NAALADL2: variants seen among roughly 807,000 people sequenced by gnomAD.
The protein encoded by NAALADL2 is inactive N-acetylated-alpha-linked acidic dipeptidase-like protein 2.
A neutral mutation model predicts 87.2 loss-of-function variants in NAALADL2; 76 were observed. The observed-to-expected ratio is 0.87, with a 90% confidence interval of 0.72 to 1.05. NAALADL2 has a LOEUF of 1.05. NAALADL2 is among the 50% of genes least tolerant of loss of function. The probability of loss-of-function intolerance (pLI) is 0.00; values close to 1 mark genes in which losing one functional copy is unlikely to be tolerated. For synonymous variants in NAALADL2, 354 were observed against 331.0 expected (o/e 1.07, Z -0.75); for missense variants, 1,089 against 945.8 (o/e 1.15, Z -1.99).
intron 11 of NAALADL2, among the ~76,000 whole-genome samples, chr3:175,645,076 C>T (rs1729812347): frequency 6.6e-6 from 1 of 151,686 alleles, no homozygotes; most frequent in Non-Finnish European, 1.5e-5. Flanking sequence ...ATCAAGACTA[C>T]AGAAGCTATG....
At chr3:175,452,974 T>A (rs937366249) in intron 6 of NAALADL2, among the ~76,000 whole-genome samples, 2 of 152,156 alleles carry the variant, frequency 1.3e-5, no homozygotes, top group Non-Finnish European at 1.5e-5. Flanking sequence ...GTTTCCAGGA[T>A]TCTGTCTCAA....
chr3:175,274,686 A>G (rs1048099609), intron 4 of NAALADL2, among the ~76,000 whole-genome samples: 6 of 152,152 alleles, frequency 3.9e-5, no homozygotes, highest in African/African-American at 1.4e-4. Context: ...TACTTCACCT[A>G]CAAGTTCATT....
chr3:175,378,314 A>G (rs1767404211), intron 5 of NAALADL2, among the ~76,000 whole-genome samples: 1 of 152,088 alleles, frequency 6.6e-6, no homozygotes, highest in African/African-American at 2.4e-5. Flanking sequence ...CGCCTCATTC[A>G]CTCACACACT....
intron 2 of NAALADL2, among the ~76,000 whole-genome samples, chr3:175,156,561 G>A (rs1732361398): frequency 6.8e-6 from 1 of 146,710 alleles, no homozygotes; most frequent in Admixed American, 6.8e-5. Flanking sequence ...GTAAACTAAT[G>A]TATCCTATAT....
At chr3:174,915,237 G>A (rs540716793) in intron 1 of NAALADL2, among the ~76,000 whole-genome samples, 49 of 152,234 alleles carry the variant, frequency 3.2e-4, no homozygotes, top group African/African-American at 1.1e-3. Flanking sequence ...GGCAGCAGAG[G>A]AGGTGTCATA....
At chr3:175,713,667 A>T (rs1163345580) in intron 11 of NAALADL2, among the ~76,000 whole-genome samples, 2 of 152,060 alleles carry the variant, frequency 1.3e-5, no homozygotes, top group Non-Finnish European at 2.9e-5. Flanking sequence ...TCAGACTTTT[A>T]AAAAATAAGT....
At chr3:174,564,487 A>G (rs981554207) in intron 2 of NAALADL2, among the ~76,000 whole-genome samples, 7 of 152,056 alleles carry the variant, frequency 4.6e-5, no homozygotes, top group African/African-American at 1.7e-4. Flanking sequence ...CTAATTAGTG[A>G]TTGTATGGTT....
intron 2 of NAALADL2, among the ~76,000 whole-genome samples, chr3:174,699,528 G>A (rs573329135): frequency 1.3e-5 from 2 of 151,698 alleles, no homozygotes; most frequent in East Asian, 3.9e-4. Context: ...ATGGTGTTTA[G>A]CCATACATTT....
At chr3:174,924,154 T>C (rs1209728211) in intron 1 of NAALADL2, among the ~76,000 whole-genome samples, 3 of 152,012 alleles carry the variant, frequency 2.0e-5, no homozygotes, top group Admixed American at 2.0e-4. Context: ...GTTGGTGTGC[T>C]GCACCCATTA....
At chr3:175,027,437 C>T (rs902248686) in intron 1 of NAALADL2, among the ~76,000 whole-genome samples, 1 of 152,008 alleles carries the variant, frequency 6.6e-6, no homozygotes, top group African/African-American at 2.4e-5. Flanking sequence ...TTTACTATCA[C>T]TTATGTACCA....
intron 11 of NAALADL2, among the ~76,000 whole-genome samples, chr3:175,642,737 T>A (rs1334819106): frequency 2.6e-5 from 4 of 152,126 alleles, no homozygotes; most frequent in African/African-American, 9.7e-5. Flanking sequence ...CCTGACCTCG[T>A]GATCCTCCCG....
At chr3:175,188,720 T>C (rs1737705117) in intron 2 of NAALADL2, among the ~76,000 whole-genome samples, 1 of 152,134 alleles carries the variant, frequency 6.6e-6, no homozygotes, top group African/African-American at 2.4e-5. Context: ...GCCACAAATG[T>C]GTACCATTCC....
intron 1 of NAALADL2, among the ~76,000 whole-genome samples, chr3:174,981,259 GA>G (rs1745071402): frequency 6.6e-6 from 1 of 152,128 alleles, no homozygotes; most frequent in Non-Finnish European, 1.5e-5. Flanking sequence ...TCAGAAGTCA[GA>G]AGAGAACTCT....
At chr3:175,040,836 A>T (rs1753994941) in intron 1 of NAALADL2, among the ~76,000 whole-genome samples, 12 of 152,178 alleles carry the variant, frequency 7.9e-5, no homozygotes, top group Admixed American at 6.6e-4. Flanking sequence ...TACAATATTT[A>T]TTCTGCACTA....
At chr3:174,959,920 T>C (rs1741729116) in intron 1 of NAALADL2, among the ~76,000 whole-genome samples, 1 of 152,118 alleles carries the variant, frequency 6.6e-6, no homozygotes, top group Non-Finnish European at 1.5e-5. Flanking sequence ...TTATCTTATA[T>C]GAAAGTATCG....
Position 175,797,446 on chromosome 3 carries a change from G to T in NAALADL2, c.2190-5559G>T, listed in dbSNP as rs182740978. Among the ~76,000 whole-genome samples, 4 of 152,230 alleles carry T rather than the reference G, an allele frequency of 2.6e-5. No individual in the cohort carries two copies. In the East Asian group the frequency reaches 7.7e-4, roughly 29 times the overall value. On this transcript the variant is annotated intron_variant, in intron 13 of 13. Transcript: ENST00000454872. ...TAACACAATCTATTCTTCCTGCAGG[G>T]AAACTTTTCTAAATTGGACTAAAGC...
At chr3:175,135,701 A>G (rs947459679) in intron 2 of NAALADL2, among the ~76,000 whole-genome samples, 1 of 152,188 alleles carries the variant, frequency 6.6e-6, no homozygotes, top group Admixed American at 6.5e-5. Context: ...TGATCCTGAA[A>G]GATCCTGTGA....
At chr3:174,596,661 C>T (rs1004003698) in intron 2 of NAALADL2, among the ~76,000 whole-genome samples, 2 of 152,160 alleles carry the variant, frequency 1.3e-5, no homozygotes, top group Admixed American at 1.3e-4. Flanking sequence ...CTGTCCTTAA[C>T]TGGTAGCTTG....
intron 4 of NAALADL2, among the ~76,000 whole-genome samples, chr3:175,290,139 AAC>A (rs1237761033): frequency 1.3e-5 from 2 of 152,216 alleles, no homozygotes; most frequent in Non-Finnish European, 2.9e-5. Flanking sequence ...TTCTTTGTAA[AAC>A]AGTTTGGCAA....
Sources: gnomAD v4.1 joint callset for allele counts (sites outside exome capture counted in the v4.1 genomes callset) on GRCh38, gnomAD v4.1.1 for gene constraint, MANE v1.5 for transcripts, NCBI Gene and HGNC (gene_info 2026-07-23, HGNC 2026-07-21) for gene names.